Variants in NLRP1 observed in about 807,000 individuals in gnomAD.
NLRP1 encodes NLR family pyrin domain containing 1.
NLRP1 carries 94 observed loss-of-function variants against 136.7 expected under a neutral mutation model. The observed-to-expected ratio is 0.69, with a 90% CI of 0.58 to 0.82. NLRP1 has a LOEUF of 0.82. Among genes scored for constraint, NLRP1 ranks in the 40% least tolerant of loss-of-function variants. The pLI, the probability that NLRP1 is intolerant of heterozygous loss-of-function variation, is 0.00. For missense variants in NLRP1, 1,575 were observed against 1,802.7 expected (o/e 0.87, Z 2.29); for synonymous variants, 690 against 725.1 (o/e 0.95, Z 0.78).
chr17:5,554,133 C>G lies in NLRP1; in HGVS notation c.2358-577G>C, dbSNP rs530835386. On this transcript the variant is annotated intron_variant, in intron 4 of 16. Transcript: ENST00000572272. ...GGAAGACTGTATATGATCATATGCA[C>G]TGCTGTCCAGGTTGGCTCACATGGG... 2.0e-5 allele frequency among the ~76,000 whole-genome samples: 3 copies of G among 152,186 alleles called. No homozygotes were observed. The East Asian group carries it at 5.8e-4, about 29-fold the overall frequency.
chr17:5,517,725 C>G (rs1483504934), intron 15 of NLRP1, 21 bp downstream of exon 15: 1 of 1,613,940 alleles, frequency 6.2e-7, no homozygotes, highest in East Asian at 2.2e-5. Flanking sequence ...TCTGAGTTCT[C>G]TGGAATTGTC....
At chr17:5,577,614 A>G (rs1025117710) in intron 3 of NLRP1, among the ~76,000 whole-genome samples, 29 of 152,104 alleles carry the variant, frequency 1.9e-4, no homozygotes, top group Non-Finnish European at 4.0e-4. Context: ...AAAAGAGGAC[A>G]CAAACAAATG....
intron 15 of NLRP1, among the ~76,000 whole-genome samples, chr17:5,516,117 G>A (rs1567629533): frequency 1.4e-5 from 2 of 144,724 alleles, no homozygotes; most frequent in South Asian, 2.1e-4. Flanking sequence ...ACAGCAGCTC[G>A]CATGTACAAG....
Position 5,571,139 on chromosome 17 carries a change from C to A in NLRP1, c.652+10720G>T, listed in dbSNP as rs372366004. Among the ~76,000 whole-genome samples, 35 of 152,268 alleles carry A rather than the reference C, an allele frequency of 2.3e-4. No individual in the cohort carries two copies. In the East Asian group the frequency reaches 5.0e-3, roughly 22 times the overall value. Reference sequence around the variant, plus strand: ...ATAATAAGGGCCATTTATGACAAAACCACAGCCAACATCACACTGAATGGG... The same window carrying A: ...ATAATAAGGGCCATTTATGACAAAAACACAGCCAACATCACACTGAATGGG... On this transcript the variant is annotated intron_variant, in intron 3 of 16. Coordinates refer to ENST00000572272, the MANE Select transcript of NLRP1 (RefSeq NM_033004.4).
intron 12 of NLRP1, among the ~76,000 whole-genome samples, chr17:5,522,389 G>C (rs1474712886): frequency 6.6e-6 from 1 of 152,214 alleles, no homozygotes; most frequent in Non-Finnish European, 1.5e-5. Flanking sequence ...AAGGGAGCTT[G>C]CTTGTCCCTT....
rs1914354867 is a variant in NLRP1, at chr17:5,558,453, T to G, written c.2243A>C (p.Asp748Ala). 4 of 1,613,676 alleles carry G rather than the reference T, an allele frequency of 2.5e-6. No homozygotes were observed. The highest frequency in any genetic ancestry group is 3.4e-6 in the Non-Finnish European group (4 of 1,179,856). The change falls in exon 4 of 17, where the codon GAC becomes GCC. Residue 748 changes from aspartate to alanine, a missense_variant. Transcript: ENST00000572272. ...GAAAGTGCACACTAAGAGCTCCATG[T>G]CTGTTTCTACACACATGCCCATTTC... ...FEEMGMCVET[D>A]MELLVCTFCI...
In NLRP1 at chr17:5,537,026, C is replaced by T; in HGVS notation, c.2871-86G>A. On this transcript the variant is annotated intron_variant, in intron 7 of 16. Coordinates refer to ENST00000572272, the MANE Select transcript of NLRP1 (RefSeq NM_033004.4). The surrounding 1 kb of genome is among the most constrained non-coding windows in gnomAD (Gnocchi z 4.5). ...GGGCCCAGAATCCTGGGACCTGTCA[C>T]CTTCTGAGGCAGCGGCCGCAGGGTG... The T allele has an allele frequency of 2.1e-6, 2 of 930,402 alleles. No homozygotes were observed. Among genetic ancestry groups the T allele is most frequent in the Non-Finnish European group, 3.5e-6 (2 of 570,506 alleles). The allele number at this position is 930,402 out of a possible 1,614,324, so 57.6% of individuals were successfully genotyped here.
chr17:5,583,349 G>A lies in NLRP1; in HGVS notation c.271+338C>T, dbSNP rs1905917337. Among the ~76,000 whole-genome samples, 1 of 152,214 alleles carries A rather than the reference G, an allele frequency of 6.6e-6. No individual in the cohort carries two copies. Among genetic ancestry groups the A allele is most frequent in the Non-Finnish European group, 1.5e-5 (1 of 68,030 alleles). ...CATTTTGCAGACAGAGAAATAGGCA[G>A]AGAGCAGTGAAGTGATTGGCCCAGG... On this transcript the variant is annotated intron_variant, in intron 1 of 16. Transcript: ENST00000572272. The surrounding 1 kb of genome is among the most constrained non-coding windows in gnomAD (Gnocchi z 4.5).
intron 4 of NLRP1, among the ~76,000 whole-genome samples, chr17:5,554,450 C>T (rs906993206): frequency 5.9e-5 from 9 of 152,132 alleles, no homozygotes; most frequent in African/African-American, 2.2e-4. Flanking sequence ...CCCAGTAATT[C>T]TTTGATCTAA....
At chr17:5,524,244 C>T (rs915508452) in intron 12 of NLRP1, among the ~76,000 whole-genome samples, 2 of 152,222 alleles carry the variant, frequency 1.3e-5, no homozygotes, top group East Asian at 1.9e-4. Context: ...TCTGCGGCAA[C>T]ACCTTTTCCT....
intron 12 of NLRP1, among the ~76,000 whole-genome samples, chr17:5,523,317 T>A (rs114155006): frequency 0.016 from 2,379 of 151,702 alleles, 62 homozygotes; most frequent in African/African-American, 0.054. Flanking sequence ...AAAAACAAAA[T>A]ACCAGAAAGA....
chr17:5,565,134 C>T (rs1050817682), intron 3 of NLRP1, among the ~76,000 whole-genome samples: 3 of 152,342 alleles, frequency 2.0e-5, no homozygotes, highest in East Asian at 1.9e-4. Flanking sequence ...CTTTTCTCCA[C>T]ACCCTCACAA....
rs758914197 is a variant in NLRP1, at chr17:5,583,451, G to C, written c.271+236C>G. ...AACTACAATGCCAGGCGAGTACCGGGAATGCACTTGAATAGAAGAGGGTGT... is the reference window on the plus strand; with the variant it reads ...AACTACAATGCCAGGCGAGTACCGGCAATGCACTTGAATAGAAGAGGGTGT... On this transcript the variant is annotated intron_variant, in intron 1 of 16. Transcript: ENST00000572272. This position sits in a 1 kb window ranked among gnomAD's most constrained non-coding sequence, Gnocchi z 4.5. Among the ~76,000 whole-genome samples, 1 of 152,182 alleles carries C rather than the reference G, an allele frequency of 6.6e-6. No homozygotes were observed. The highest frequency in any genetic ancestry group is 2.4e-5 in the African/African-American group (1 of 41,428).
chr17:5,562,015 G>A (rs977096812), intron 3 of NLRP1, among the ~76,000 whole-genome samples: 1 of 152,214 alleles, frequency 6.6e-6, no homozygotes, highest in African/African-American at 2.4e-5. Flanking sequence ...TTCCAGCGCA[G>A]TGGTCCTAAT....
At chr17:5,575,592 C>A (rs969002380) in intron 3 of NLRP1, among the ~76,000 whole-genome samples, 5 of 152,188 alleles carry the variant, frequency 3.3e-5, no homozygotes, top group Admixed American at 1.3e-4. Flanking sequence ...AATATATATG[C>A]ACCCAATACA....
At chr17:5,572,709 CAG>C (rs543523675) in intron 3 of NLRP1, among the ~76,000 whole-genome samples, 2,144 of 77,238 alleles carry the variant, frequency 0.028, 47 homozygotes, top group African/African-American at 0.084. Flanking sequence ...TACTTTGTCT[CAG>C]AAAAAAAAAA....
intron 15 of NLRP1, among the ~76,000 whole-genome samples, chr17:5,516,970 T>C (rs1332078732): frequency 6.6e-6 from 1 of 152,190 alleles, no homozygotes; most frequent in Non-Finnish European, 1.5e-5. Flanking sequence ...CCATAAATTT[T>C]CTCTATCCCA....
intron 3 of NLRP1, among the ~76,000 whole-genome samples, chr17:5,574,865 C>T (rs1193773405): frequency 6.6e-6 from 1 of 151,884 alleles, no homozygotes; most frequent in Non-Finnish European, 1.5e-5. Flanking sequence ...GGGGTTTCAC[C>T]ATGTTAGCCA....
intron 12 of NLRP1, among the ~76,000 whole-genome samples, chr17:5,523,936 A>G (rs1287567081): frequency 2.6e-5 from 4 of 152,072 alleles, no homozygotes; most frequent in Non-Finnish European, 5.9e-5. Context: ...TTCTTTTTTT[A>G]TTTTTGACAC....
Sources: gnomAD v4.1 joint callset for allele counts (sites outside exome capture counted in the v4.1 genomes callset) on GRCh38, gnomAD v4.1.1 for gene constraint, Gnocchi (gnomAD v3.1) non-coding constraint, MANE v1.5 for transcripts, NCBI Gene and HGNC (gene_info 2026-07-23, HGNC 2026-07-21) for gene names.